PPP3CA: variants seen among roughly 807,000 people sequenced by gnomAD.
PPP3CA encodes the protein CAM-PRP catalytic subunit.
PPP3CA carries 14 observed loss-of-function variants against 66.5 expected under a neutral mutation model. The ratio of observed to expected loss-of-function variants is 0.21; its 90% CI spans 0.14 to 0.33. The LOEUF (loss-of-function observed/expected upper bound fraction) is 0.33. PPP3CA is among the 10% of genes least tolerant of loss of function. The pLI is 1.00. For synonymous variants in PPP3CA, 232 were observed against 226.2 expected, an observed-to-expected ratio of 1.03 and a Z score of -0.23; for missense variants, 317 against 639.5, an observed-to-expected ratio of 0.50 and a Z score of 5.44.
intron 2 of PPP3CA, among the ~76,000 whole-genome samples, chr4:101,165,528 CA>C (rs1010015665): frequency 7.2e-5 from 11 of 152,088 alleles, no homozygotes; most frequent in Admixed American, 3.9e-4. Context: ...TCAACTTATA[CA>C]ATTTTTATAT....
intron 6 of PPP3CA, among the ~76,000 whole-genome samples, chr4:101,086,119 A>G (rs1024786304): frequency 6.6e-5 from 10 of 152,184 alleles, no homozygotes; most frequent in Non-Finnish European, 1.2e-4. Flanking sequence ...AAATTACTAT[A>G]TTATAAAACA....
At chr4:101,136,989 T>C (rs2695209) in intron 2 of PPP3CA, among the ~76,000 whole-genome samples, 2 of 152,132 alleles carry the variant, frequency 1.3e-5, no homozygotes, top group East Asian at 1.9e-4. Context: ...ACTATAAATA[T>C]ATCATGACTA....
intron 2 of PPP3CA, among the ~76,000 whole-genome samples, chr4:101,159,543 T>C (rs980913943): frequency 1.3e-5 from 2 of 152,298 alleles, no homozygotes; most frequent in African/African-American, 4.8e-5. Flanking sequence ...GTTTTGTCAC[T>C]TGAGTGAACT....
At chr4:101,213,242 C>A (rs1725362066) in intron 1 of PPP3CA, among the ~76,000 whole-genome samples, 1 of 152,024 alleles carries the variant, frequency 6.6e-6, no homozygotes, top group East Asian at 1.9e-4. Context: ...GTTTCTTATT[C>A]CTGATTTCTA....
intron 7 of PPP3CA, among the ~76,000 whole-genome samples, chr4:101,082,163 A>G (rs1463832723): frequency 1.3e-5 from 2 of 152,210 alleles, no homozygotes; most frequent in African/African-American, 2.4e-5. Flanking sequence ...GACAAGTGAG[A>G]ACAATTATTT....
intron 10 of PPP3CA, among the ~76,000 whole-genome samples, chr4:101,043,515 CATAA>C (rs1727622387): frequency 6.6e-6 from 1 of 151,266 alleles, no homozygotes; most frequent in South Asian, 2.1e-4. Flanking sequence ...TTGTGCTCCC[CATAA>C]ATAGTGAATC....
At chr4:101,290,770 T>G (rs1727998571) in intron 1 of PPP3CA, among the ~76,000 whole-genome samples, 1 of 152,140 alleles carries the variant, frequency 6.6e-6, no homozygotes, top group African/African-American at 2.4e-5. Context: ...TGGTTGCAAC[T>G]TAAACATCAT....
chr4:101,334,999 T>C (rs536455594), intron 1 of PPP3CA, among the ~76,000 whole-genome samples: 2 of 152,090 alleles, frequency 1.3e-5, no homozygotes, highest in African/African-American at 4.8e-5. Context: ...ACCATGACAG[T>C]TGCAGCTCCA....
At chr4:101,142,582 T>C (rs1414088685) in intron 2 of PPP3CA, among the ~76,000 whole-genome samples, 1 of 152,152 alleles carries the variant, frequency 6.6e-6, no homozygotes, top group African/African-American at 2.4e-5. Context: ...CCAGCTTTTT[T>C]GTAGACACAG....
chr4:101,289,793 T>G (rs1727961172), intron 1 of PPP3CA, among the ~76,000 whole-genome samples: 1 of 152,190 alleles, frequency 6.6e-6, no homozygotes, highest in African/African-American at 2.4e-5. Context: ...TCTGTGAATC[T>G]GTCTCATTCA....
intron 1 of PPP3CA, among the ~76,000 whole-genome samples, chr4:101,265,504 T>C (rs553250661): frequency 4.6e-5 from 7 of 152,264 alleles, no homozygotes; most frequent in East Asian, 1.9e-4. Context: ...ACAGAGAAGA[T>C]AGGCATAAAG....
chr4:101,051,284 G>T (rs1486856181), intron 10 of PPP3CA, among the ~76,000 whole-genome samples: 1 of 151,976 alleles, frequency 6.6e-6, no homozygotes, highest in African/African-American at 2.4e-5. Flanking sequence ...GACATTTATT[G>T]AACTTTTAAG....
intron 2 of PPP3CA, among the ~76,000 whole-genome samples, chr4:101,140,282 G>C (rs1018185667): frequency 6.6e-6 from 1 of 152,094 alleles, no homozygotes; most frequent in Non-Finnish European, 1.5e-5. Context: ...CTAGATTTTA[G>C]TGTATATCCA....
At chr4:101,042,641 C>T (rs1349001970) in intron 10 of PPP3CA, among the ~76,000 whole-genome samples, 2 of 151,946 alleles carry the variant, frequency 1.3e-5, no homozygotes. Context: ...TGTGCAGGAT[C>T]CCTACCTCTA....
chr4:101,145,950 T>C (rs1722955643), intron 2 of PPP3CA, among the ~76,000 whole-genome samples: 1 of 152,210 alleles, frequency 6.6e-6, no homozygotes, highest in African/African-American at 2.4e-5. Context: ...AAGCTAATCT[T>C]GTCCCTTTGA....
intron 1 of PPP3CA, among the ~76,000 whole-genome samples, chr4:101,305,988 T>C (rs1728524674): frequency 1.3e-5 from 2 of 152,156 alleles, no homozygotes; most frequent in African/African-American, 4.8e-5. Context: ...ATTTTTTTTT[T>C]TTCTAATCAG....
intron 13 of PPP3CA, among the ~76,000 whole-genome samples, chr4:101,028,328 A>G (rs746557647): frequency 8.5e-5 from 13 of 152,352 alleles, no homozygotes; most frequent in Non-Finnish European, 1.8e-4. Context: ...CAGTTCTCTT[A>G]TAACTATATA....
chr4:101,218,888 C>A (rs567776499), intron 1 of PPP3CA, among the ~76,000 whole-genome samples: 117 of 152,126 alleles, frequency 7.7e-4, no homozygotes, highest in Admixed American at 1.4e-3. Context: ...CAAGAATATT[C>A]TCTACCACTA....
At chr4:101,080,952 C>G (rs779176776) in intron 7 of PPP3CA, among the ~76,000 whole-genome samples, 97 of 152,062 alleles carry the variant, frequency 6.4e-4, no homozygotes, top group Non-Finnish European at 1.1e-3. Flanking sequence ...TTAGTGCACA[C>G]AGATACTTTG....
Sources: gnomAD v4.1 joint callset for allele counts (sites outside exome capture counted in the v4.1 genomes callset) on GRCh38, gnomAD v4.1.1 for gene constraint, MANE v1.5 for transcripts, NCBI Gene and HGNC (gene_info 2026-07-23, HGNC 2026-07-21) for gene names.